The following VPS35 variants were observed in gnomAD, a reference collection of about 807,000 sequenced individuals.
VPS35 encodes VPS35 retromer complex component, also known as vacuolar protein sorting-associated protein 35.
A neutral mutation model predicts 98.1 loss-of-function variants in VPS35; 21 were observed. The ratio of observed to expected loss-of-function variants is 0.21; its 90% CI spans 0.15 to 0.31. The LOEUF is 0.31. VPS35 is among the 10% of genes least tolerant of loss of function. The pLI is 1.00. For missense variants in VPS35, 554 were observed against 950.8 expected, an observed-to-expected ratio of 0.58 and a Z score of 5.49; for synonymous variants, 268 against 318.2, an observed-to-expected ratio of 0.84 and a Z score of 1.68.
chr16:46,681,193 C>A (rs1458183036), intron 4 of VPS35, among the ~76,000 whole-genome samples, 184 bp downstream of exon 4: 1 of 151,864 alleles, frequency 6.6e-6, no homozygotes, highest in Non-Finnish European at 1.5e-5. Flanking sequence ...CAAAATTCCT[C>A]AAATATCTAC....
At position 46,659,702 on chromosome 16, in the gene VPS35, A is replaced by G. The variant is rs1965877734; in HGVS notation, c.*770T>C. On this transcript the variant is annotated 3_prime_UTR_variant, in exon 17 of 17. Transcript: ENST00000299138. Reference sequence around the variant, plus strand: ...TTGTTAATAGCATCTTTATTGTTTCACTGGTGCAAAAAAAAAAATCATAAT... The same window carrying G: ...TTGTTAATAGCATCTTTATTGTTTCGCTGGTGCAAAAAAAAAAATCATAAT... The G allele has an allele frequency of 6.7e-6, 1 of 149,248 alleles. No individual in the cohort carries two copies. Among genetic ancestry groups the G allele is most frequent in the South Asian group, 2.1e-4 (1 of 4,746 alleles). The allele number at this position is 149,248 out of a possible 1,614,324, so 9.2% of individuals were successfully genotyped here. A position where few individuals can be genotyped will look rare whatever the true frequency, so the allele number is the denominator to read the frequency against.
chr16:46,666,629 A>G (rs1330814565), intron 13 of VPS35, among the ~76,000 whole-genome samples: 2 of 152,214 alleles, frequency 1.3e-5, no homozygotes, highest in Admixed American at 1.3e-4. Flanking sequence ...AATTCAACTT[A>G]AAAAACAATT....
At chr16:46,681,991 A>G in intron 3 of VPS35, 88 bp downstream of exon 3, 8 of 999,364 alleles carry the variant, frequency 8.0e-6, no homozygotes, top group Non-Finnish European at 1.3e-5. Flanking sequence ...AGATAACTCC[A>G]GAAAAACTTC....
chr16:46,688,946 G>C (rs1475036391), intron 1 of VPS35, 185 bp downstream of exon 1: 3 of 1,487,786 alleles, frequency 2.0e-6, no homozygotes, highest in African/African-American at 1.4e-5. Flanking sequence ...CGCCCACCCC[G>C]GCCCGGATCA....
rs1174637833 is a variant in VPS35 at position 46,658,956 on chromosome 16, G to GT, written c.*1515dup. On this transcript the variant is annotated 3_prime_UTR_variant, in exon 17 of 17. Coordinates refer to ENST00000299138, the MANE Select transcript of VPS35 (RefSeq NM_018206.6). ...TACCCTTGAATATAGGCTAGACTTAGTGACTCCCCACTTACAGAATAAGGC... is the reference window on the plus strand; with the variant it reads ...TACCCTTGAATATAGGCTAGACTTAGTTGACTCCCCACTTACAGAATAAGGC... 6.6e-6 allele frequency: 1 copy of GT among 152,234 alleles called. No homozygotes were observed. Among genetic ancestry groups the GT allele is most frequent in the Admixed American group, 6.5e-5 (1 of 15,280 alleles). 9.4% of individuals were successfully genotyped at this position (152,234 alleles called of 1,614,324 possible).
At chr16:46,682,323 T>C in intron 2 of VPS35, 148 bp from the exon 3 acceptor site, 1 of 667,810 alleles carries the variant, frequency 1.5e-6, no homozygotes, top group Non-Finnish European at 2.6e-6. Context: ...AAAAAACAAC[T>C]TAGATCGGTT....
At position 46,668,975 on chromosome 16, in the gene VPS35, A is replaced by G. The variant is rs376718984; in HGVS notation, c.1602T>C (p.Phe534=). ...ATCGAAAAGCCAGCTGGTAAGCTGCAAATACCAAAGGTGGCAGTGTGAAGC... is the reference window on the plus strand; with the variant it reads ...ATCGAAAAGCCAGCTGGTAAGCTGCGAATACCAAAGGTGGCAGTGTGAAGC... The part of the protein sequence containing the change: ...RIRFTLPPLV[F]AAYQLAFRYK... The change falls in exon 13 of 17, where the codon TTT becomes TTC. Residue 534 remains phenylalanine (F), a synonymous_variant. Coordinates refer to ENST00000299138, the MANE Select transcript of VPS35 (RefSeq NM_018206.6). 25 of 1,614,092 alleles carry G rather than the reference A, an allele frequency of 1.5e-5. No individual in the cohort carries two copies. The highest frequency in any genetic ancestry group is 2.0e-5 in the Non-Finnish European group (24 of 1,180,044).
At chr16:46,670,423 A>G (rs1453928279) in intron 12 of VPS35, among the ~76,000 whole-genome samples, 1 of 152,074 alleles carries the variant, frequency 6.6e-6, no homozygotes, top group African/African-American at 2.4e-5. Flanking sequence ...AGCTAGGATT[A>G]CAGGCGCCCA....
At chr16:46,671,893 G>A (rs780751377) in intron 11 of VPS35, 33 bp from the exon 12 acceptor site, 1 of 1,611,392 alleles carries the variant, frequency 6.2e-7, no homozygotes, top group Non-Finnish European at 8.5e-7. Flanking sequence ...AACCCACTGA[G>A]GTGAAACCAT....
At chr16:46,683,726 T>A in intron 1 of VPS35, 120 bp from the exon 2 acceptor site, 1 of 1,102,572 alleles carries the variant, frequency 9.1e-7, no homozygotes, top group Non-Finnish European at 1.3e-6. Context: ...CAAACCCATT[T>A]ACCAAATTTT....
chr16:46,671,749 A>T lies in VPS35; in HGVS notation c.1480T>A (p.Phe494Ile), dbSNP rs141253289. 1.2e-6 allele frequency: 2 copies of T among 1,614,052 alleles called. No homozygotes were observed. The highest frequency in any genetic ancestry group is 2.7e-5 in the African/African-American group (2 of 74,944). The change falls in exon 12 of 17, where the codon TTC becomes ATC. Residue 494 changes from phenylalanine (F) to isoleucine (I), a missense_variant. Phe to Ile is a conservative substitution (Grantham distance 21, BLOSUM62 0). Around this residue, in one of 5 missense-constraint regions of VPS35, gnomAD observed 254 missense variants for 390.1 expected, o/e 0.65. Coordinates refer to ENST00000299138, the MANE Select transcript of VPS35 (RefSeq NM_018206.6). ...FADEQSLVGR[F>I]IHLLRSEDPD... is the part of the protein sequence containing the mutation. ...TCCTCAGAGCGCAGCAGATGAATGA[A>T]GCGGCCCACAAGGCTCTGCTCATCA...
intron 16 of VPS35, 164 bp from the exon 17 acceptor site, chr16:46,660,815 ACTATC>A (rs1486867857): frequency 2.2e-6 from 1 of 453,338 alleles, no homozygotes; most frequent in Non-Finnish European, 4.0e-6. Flanking sequence ...ACAATTACTG[ACTATC>A]AAAAAAAAAA....
intron 8 of VPS35, among the ~76,000 whole-genome samples, chr16:46,676,022 G>A (rs1175212841): frequency 2.5e-5 from 3 of 119,886 alleles, no homozygotes; most frequent in African/African-American, 6.5e-5. Flanking sequence ...CCGAGACAGC[G>A]TCACTGCACT....
At chr16:46,662,586 A>AG in intron 14 of VPS35, 104 bp from the exon 15 acceptor site, 1 of 1,549,282 alleles carries the variant, frequency 6.5e-7, no homozygotes, top group South Asian at 1.1e-5. Flanking sequence ...AGACTTCTGC[A>AG]GCCTTCATAT....
In VPS35 at chr16:46,681,431, T is replaced by C; in HGVS notation, c.269A>G (p.Lys90Arg). 6.2e-7 allele frequency: 1 copy of C among 1,613,806 alleles called. No homozygotes were observed. Among genetic ancestry groups the C allele is most frequent in the Non-Finnish European group, 8.5e-7 (1 of 1,179,782 alleles). ...TACAAGTTCGTAGAGATCTGCCACT[T>C]TCCTTCCTTTAGCAAACTCATCTGT... ...YLTDEFAKGRKVADLYELVQY... is the reference protein window; with the variant it reads ...YLTDEFAKGRRVADLYELVQY... Residue 90 changes from lysine (K) to arginine (R), a missense_variant, in exon 4 of 17, where the codon AAA (lysine) becomes AGA (arginine). Lys to Arg is a conservative substitution (Grantham distance 26). Around this residue, in one of 5 missense-constraint regions of VPS35, gnomAD observed 67 missense variants for 103.3 expected, o/e 0.65. Coordinates refer to ENST00000299138, the MANE Select transcript of VPS35 (RefSeq NM_018206.6).
chr16:46,683,521 A>G lies in VPS35; in HGVS notation c.89T>C (p.Met30Thr). 6.2e-7 allele frequency: 1 copy of G among 1,613,734 alleles called. No homozygotes were observed. The highest frequency in any genetic ancestry group is 8.5e-7 in the Non-Finnish European group (1 of 1,179,970). Residue 30 changes from methionine to threonine, a missense_variant, in exon 2 of 17, where the codon ATG becomes ACG. Met to Thr is a moderately conservative substitution (Grantham distance 81, BLOSUM62 -1). Coordinates refer to ENST00000299138, the MANE Select transcript of VPS35 (RefSeq NM_018206.6). Reference protein sequence around the residue: ...IQAVKVQSFQMKRCLDKNKLM... With the variant: ...IQAVKVQSFQTKRCLDKNKLM... The stretch of plus-strand genomic sequence containing the variant: ...CTCCATTCTTACCAGGCATCTCTTC[A>G]TTTGGAATGACTGGACCTTCACAGC...
rs774726845 is a variant in VPS35 at position 46,660,324 on chromosome 16, C to T, written c.*148G>A. 2.1e-5 allele frequency: 18 copies of T among 874,904 alleles called. No individual in the cohort carries two copies. Among genetic ancestry groups the T allele is most frequent in the Non-Finnish European group, 3.0e-5 (17 of 564,120 alleles). The allele number at this position is 874,904 out of a possible 1,614,324, so 54.2% of individuals were successfully genotyped here. ...TATTAAGGTCCTGAAGGTGAGTGTC[C>T]GGAGGTGCTGGGTAAAACACATCAC... On this transcript the variant is annotated 3_prime_UTR_variant, in exon 17 of 17. Transcript: ENST00000299138.
intron 1 of VPS35, among the ~76,000 whole-genome samples, chr16:46,684,449 A>G (rs1966281790): frequency 1.3e-5 from 2 of 152,248 alleles, no homozygotes; most frequent in South Asian, 4.1e-4. Context: ...ACAGTAGAAA[A>G]CAATAAAGAG....
rs1355964646 is a variant in VPS35, at chr16:46,674,300, T to G, written c.1160+14A>C. 2 of 1,613,418 alleles carry G rather than the reference T, an allele frequency of 1.2e-6. No individual in the cohort carries two copies. Among genetic ancestry groups the G allele is most frequent in the Non-Finnish European group, 1.7e-6 (2 of 1,179,836 alleles). On this transcript the variant is annotated intron_variant, in intron 10 of 16. Coordinates refer to ENST00000299138, the MANE Select transcript of VPS35 (RefSeq NM_018206.6). ...ATATCTTTGAGGATTTTTACAAAAA[T>G]GTAACTGACTTACTGTTCAAGGTTG... is the stretch of plus-strand genomic sequence containing the variant.
Sources: gnomAD v4.1 joint callset for allele counts (sites outside exome capture counted in the v4.1 genomes callset) on GRCh38, gnomAD v4.1.1 for gene constraint, gnomAD v4.1.1 regional missense constraint, MANE v1.5 for transcripts, NCBI Gene and HGNC (gene_info 2026-07-23, HGNC 2026-07-21) for gene names.